The following LRRTM4 variants were observed in gnomAD, a reference collection of about 807,000 sequenced individuals.
LRRTM4 encodes the protein leucine rich repeat transmembrane neuronal 4.
LRRTM4 carries 25 observed loss-of-function variants against 47.6 expected under a neutral mutation model. The observed-to-expected ratio is 0.53, with a 90% CI of 0.38 to 0.73. LRRTM4 has a LOEUF of 0.73. Among genes scored for constraint, LRRTM4 ranks in the 30% least tolerant of loss-of-function variants. The probability of loss-of-function intolerance (pLI) is 0.00; values close to 1 mark genes in which losing one functional copy is unlikely to be tolerated. For missense variants in LRRTM4, 638 were observed against 713.4 expected (o/e 0.89, Z 1.20); for synonymous variants, 311 against 269.5 (o/e 1.15, Z -1.51).
chr2:77,273,343 C>A (rs1340476467), intron 3 of LRRTM4, among the ~76,000 whole-genome samples: 2 of 152,100 alleles, frequency 1.3e-5, no homozygotes, highest in African/African-American at 4.8e-5. Context: ...AGTGAATAAG[C>A]ACTCTGAAGA....
intron 3 of LRRTM4, among the ~76,000 whole-genome samples, chr2:77,364,819 C>T (rs12470924): frequency 0.039 from 5,943 of 152,146 alleles, 143 homozygotes; most frequent in Middle Eastern, 0.068. Flanking sequence ...TTGTTATTAT[C>T]ATTGTTATAG....
intron 3 of LRRTM4, among the ~76,000 whole-genome samples, chr2:77,112,057 G>T (rs1404639448): frequency 6.6e-6 from 1 of 152,134 alleles, no homozygotes; most frequent in African/African-American, 2.4e-5. Flanking sequence ...TCTTACATGT[G>T]TAATTTAGAA....
chr2:77,228,942 T>C (rs1270984600), intron 3 of LRRTM4, among the ~76,000 whole-genome samples: 1 of 152,074 alleles, frequency 6.6e-6, no homozygotes, highest in East Asian at 1.9e-4. Context: ...TCTTTGACCA[T>C]ATGACCCCTT....
At chr2:77,138,649 A>G (rs1480135250) in intron 3 of LRRTM4, among the ~76,000 whole-genome samples, 1 of 152,210 alleles carries the variant, frequency 6.6e-6, no homozygotes, top group East Asian at 1.9e-4. Flanking sequence ...AGATAGAGAT[A>G]TAAAAAACCC....
At chr2:77,046,740 G>A (rs1436784650) in intron 3 of LRRTM4, among the ~76,000 whole-genome samples, 1 of 151,992 alleles carries the variant, frequency 6.6e-6, no homozygotes, top group Non-Finnish European at 1.5e-5. Flanking sequence ...CTGTCCCATA[G>A]TATAGTCACA....
chr2:77,015,669 G>A (rs932627081), intron 3 of LRRTM4, among the ~76,000 whole-genome samples: 8 of 151,200 alleles, frequency 5.3e-5, no homozygotes, highest in African/African-American at 2.0e-4. Context: ...ATGTATTTTT[G>A]AAGTAGGAAA....
At chr2:77,481,726 T>G (rs1007834501) in intron 3 of LRRTM4, among the ~76,000 whole-genome samples, 1 of 152,214 alleles carries the variant, frequency 6.6e-6, no homozygotes, top group Non-Finnish European at 1.5e-5. Flanking sequence ...GTCTCAGATA[T>G]TCCTTGTCAG....
chr2:76,961,313 A>T (rs990489861), intron 3 of LRRTM4, among the ~76,000 whole-genome samples: 32 of 151,376 alleles, frequency 2.1e-4, no homozygotes, highest in African/African-American at 6.3e-4. Flanking sequence ...TCTGAGTCTT[A>T]TAATTCCCAA....
chr2:76,803,789 T>G (rs1165520057), intron 3 of LRRTM4, among the ~76,000 whole-genome samples: 1 of 152,300 alleles, frequency 6.6e-6, no homozygotes, highest in East Asian at 1.9e-4. Context: ...TCACCATAAC[T>G]AATAACAGTG....
intron 3 of LRRTM4, among the ~76,000 whole-genome samples, chr2:76,804,324 T>C (rs1675852915): frequency 6.6e-6 from 1 of 152,158 alleles, no homozygotes; most frequent in African/African-American, 2.4e-5. Context: ...ACTTGTTATA[T>C]GTCTACCTTT....
intron 3 of LRRTM4, among the ~76,000 whole-genome samples, chr2:76,802,119 C>T (rs898042121): frequency 2.0e-5 from 3 of 151,724 alleles, no homozygotes; most frequent in African/African-American, 7.3e-5. Flanking sequence ...AAGTCCTAGC[C>T]CGAGCAATTA....
intron 3 of LRRTM4, among the ~76,000 whole-genome samples, chr2:77,243,410 CAAA>C (rs1558649815): frequency 1.7e-5 from 1 of 59,798 alleles, no homozygotes; most frequent in African/African-American, 8.0e-5. Flanking sequence ...AACTCCGTCT[CAAA>C]ATAAAAAAAA....
At chr2:77,479,680 C>T (rs1432825419) in intron 3 of LRRTM4, among the ~76,000 whole-genome samples, 1 of 150,886 alleles carries the variant, frequency 6.6e-6, no homozygotes, top group Non-Finnish European at 1.5e-5. Context: ...GCATTTCCTT[C>T]TCTCTCTCTC....
intron 3 of LRRTM4, among the ~76,000 whole-genome samples, chr2:76,758,338 T>C (rs1166628503): frequency 6.6e-6 from 1 of 152,174 alleles, no homozygotes; most frequent in South Asian, 2.1e-4. Flanking sequence ...ATCCTGTACC[T>C]CTGTAAAGCA....
chr2:76,860,456 A>T (rs559410961), intron 3 of LRRTM4, among the ~76,000 whole-genome samples: 80 of 152,274 alleles, frequency 5.3e-4, no homozygotes, highest in African/African-American at 1.7e-3. Flanking sequence ...ATTATCTTAG[A>T]AAATATCCTT....
intron 3 of LRRTM4, among the ~76,000 whole-genome samples, chr2:77,471,106 C>T (rs1677172343): frequency 6.6e-6 from 1 of 152,090 alleles, no homozygotes; most frequent in South Asian, 2.1e-4. Flanking sequence ...CTGCTATAGC[C>T]TTGACATTTC....
chr2:76,889,536 A>G (rs950060008), intron 3 of LRRTM4, among the ~76,000 whole-genome samples: 13 of 152,050 alleles, frequency 8.5e-5, no homozygotes, highest in African/African-American at 2.6e-4. Flanking sequence ...TGAAAAATGA[A>G]GATGATGATG....
At chr2:76,880,258 A>C (rs1329422349) in intron 3 of LRRTM4, among the ~76,000 whole-genome samples, 1 of 152,272 alleles carries the variant, frequency 6.6e-6, no homozygotes, top group Non-Finnish European at 1.5e-5. Flanking sequence ...ACACCAAGGG[A>C]AACTTTATTA....
chr2:76,905,483 G>T (rs1673796847), intron 3 of LRRTM4, among the ~76,000 whole-genome samples: 2 of 152,112 alleles, frequency 1.3e-5, no homozygotes, highest in Admixed American at 6.5e-5. Context: ...ACCAGCAATG[G>T]AAAAAAGCTG....
Sources: gnomAD v4.1 joint callset for allele counts (sites outside exome capture counted in the v4.1 genomes callset) on GRCh38, gnomAD v4.1.1 for gene constraint, MANE v1.5 for transcripts, NCBI Gene and HGNC (gene_info 2026-07-23, HGNC 2026-07-21) for gene names.